Variants in MCOLN2 observed in about 807,000 individuals in gnomAD.
The protein encoded by MCOLN2 is mucolipin TRP cation channel 2, also known as mucolipin-2.
A neutral mutation model predicts 67.5 loss-of-function variants in MCOLN2; 57 were observed. The observed-to-expected ratio is 0.84, with a 90% CI of 0.68 to 1.05. MCOLN2 has a LOEUF of 1.05. Among genes scored for constraint, MCOLN2 ranks in the 50% least tolerant of loss-of-function variants. The pLI is 0.00. For missense variants in MCOLN2, 620 were observed against 678.8 expected, an observed-to-expected ratio of 0.91 and a Z score of 0.96; for synonymous variants, 246 against 233.3, an observed-to-expected ratio of 1.05 and a Z score of -0.50.
At chr1:84,992,967 C>T (rs1650964183) in intron 1 of MCOLN2, among the ~76,000 whole-genome samples, 1 of 152,176 alleles carries the variant, frequency 6.6e-6, no homozygotes, top group African/African-American at 2.4e-5. Flanking sequence ...ATTAACTCTT[C>T]CTGTCACAAA....
intron 11 of MCOLN2, among the ~76,000 whole-genome samples, chr1:84,933,948 A>C (rs1234678617): frequency 6.6e-6 from 1 of 152,170 alleles, no homozygotes; most frequent in Middle Eastern, 3.2e-3. Flanking sequence ...GTTTGGTAAC[A>C]CCCTGCCATT....
intron 1 of MCOLN2, among the ~76,000 whole-genome samples, chr1:84,969,300 G>A (rs1649545027): frequency 6.6e-6 from 1 of 152,232 alleles, no homozygotes; most frequent in African/African-American, 2.4e-5. Flanking sequence ...GCTGGGCACG[G>A]TGGCTCACGC....
chr1:84,926,762 T>C (rs761295363), intron 13 of MCOLN2, 41 bp from the exon 14 acceptor site: 1 of 1,488,176 alleles, frequency 6.7e-7, no homozygotes, highest in South Asian at 1.2e-5. Context: ...AAAGATACAA[T>C]ACTTTAACAT....
intron 1 of MCOLN2, among the ~76,000 whole-genome samples, chr1:84,987,572 G>C (rs1418387723): frequency 3.8e-5 from 3 of 78,318 alleles, no homozygotes; most frequent in African/African-American, 5.0e-5. Flanking sequence ...ATACATAGAT[G>C]TATACATAGA....
intron 2 of MCOLN2, among the ~76,000 whole-genome samples, chr1:84,959,781 T>C (rs937279807): frequency 5.3e-5 from 8 of 152,202 alleles, no homozygotes; most frequent in African/African-American, 1.9e-4. Flanking sequence ...TTTCTTCCTA[T>C]GTAAAATTAG....
Position 84,958,548 on chromosome 1 carries a change from A to ATGCTCTC in MCOLN2, c.385_391dup (p.Ile131ArgfsTer8), listed in dbSNP as rs761386667. On this transcript the variant is annotated frameshift_variant, in exon 3 of 14. Coordinates refer to ENST00000370608, the MANE Select transcript of MCOLN2 (RefSeq NM_153259.4). LOFTEE classifies it high-confidence loss of function. ...ACTTGCCTGATTAATAGCAAAAAAG[A>ATGCTCTC]TGCTCTCATAGGCATCCTCTTGAGT... The ATGCTCTC allele has an allele frequency of 1.2e-6, 2 of 1,602,558 alleles. No homozygotes were observed. The highest frequency in any genetic ancestry group is 1.7e-6 in the Non-Finnish European group (2 of 1,177,736).
intron 1 of MCOLN2, among the ~76,000 whole-genome samples, chr1:84,982,019 C>T (rs1449061751): frequency 6.8e-6 from 1 of 147,392 alleles, no homozygotes; most frequent in Non-Finnish European, 1.5e-5. Flanking sequence ...TAATGTAAGC[C>T]TAAATTAATA....
At chr1:84,940,473 T>G (rs1647699996) in intron 8 of MCOLN2, among the ~76,000 whole-genome samples, 1 of 152,218 alleles carries the variant, frequency 6.6e-6, no homozygotes, top group Non-Finnish European at 1.5e-5. Context: ...TATGCTTCAT[T>G]ATAATCCATT....
At chr1:84,931,095 A>T (rs375166609) in intron 12 of MCOLN2, among the ~76,000 whole-genome samples, 4 of 152,036 alleles carry the variant, frequency 2.6e-5, no homozygotes, top group African/African-American at 9.7e-5. Flanking sequence ...CAGGGCTAAG[A>T]CCAGCAGCCT....
At chr1:84,946,140 CT>C (rs1648091883) in intron 7 of MCOLN2, among the ~76,000 whole-genome samples, 1 of 152,204 alleles carries the variant, frequency 6.6e-6, no homozygotes, top group Non-Finnish European at 1.5e-5. Flanking sequence ...TGTCTGGGCT[CT>C]GAAGGCCCTG....
intron 1 of MCOLN2, among the ~76,000 whole-genome samples, chr1:84,980,090 A>G (rs2102877182): frequency 6.6e-6 from 1 of 152,314 alleles, no homozygotes; most frequent in Non-Finnish European, 1.5e-5. Context: ...CACAAATAAA[A>G]TACCTAGAAA....
At position 84,926,537 on chromosome 1, in the gene MCOLN2, A is replaced by G. The variant is rs554171400; in HGVS notation, c.*148T>C. Reference sequence around the variant, plus strand: ...AAAAAGTAAAGCTGGAACTTCAGTCATGGTCAGCTGGCTAACTGTGAGTCC... The same window carrying G: ...AAAAAGTAAAGCTGGAACTTCAGTCGTGGTCAGCTGGCTAACTGTGAGTCC... On this transcript the variant is annotated 3_prime_UTR_variant, in exon 14 of 14. Coordinates refer to ENST00000370608, the MANE Select transcript of MCOLN2 (RefSeq NM_153259.4). The G allele has an allele frequency of 2.5e-5, 12 of 478,268 alleles. No homozygotes were observed. The South Asian group carries it at 5.5e-4, about 22-fold the overall frequency. 29.6% of individuals were successfully genotyped at this position (478,268 alleles called of 1,614,324 possible).
At chr1:84,944,026 A>G (rs1220454821) in intron 7 of MCOLN2, among the ~76,000 whole-genome samples, 1 of 152,236 alleles carries the variant, frequency 6.6e-6, no homozygotes, top group African/African-American at 2.4e-5. Flanking sequence ...TGAAAATCTT[A>G]TGAAATGCAA....
At chr1:84,987,569 G>GATGTATACATCTATGTATACATCT (rs1426331500) in intron 1 of MCOLN2, among the ~76,000 whole-genome samples, 1 of 76,188 alleles carries the variant, frequency 1.3e-5, no homozygotes, top group Non-Finnish European at 2.4e-5. Flanking sequence ...TGTATACATA[G>GATGTATACATCTATGTATACATCT]ATGTATACAT....
At chr1:84,948,246 T>A (rs1422854511) in intron 6 of MCOLN2, among the ~76,000 whole-genome samples, 1 of 152,232 alleles carries the variant, frequency 6.6e-6, no homozygotes, top group African/African-American at 2.4e-5. Flanking sequence ...ACAACAAGTC[T>A]GGCATCCCTG....
intron 1 of MCOLN2, among the ~76,000 whole-genome samples, chr1:84,970,592 A>C (rs972633607): frequency 3.3e-5 from 5 of 152,040 alleles, no homozygotes; most frequent in African/African-American, 1.2e-4. Flanking sequence ...CTGAGACACG[A>C]GAATAGCTTG....
At chr1:84,987,501 TAGATGTATAC>T (rs1163421140) in intron 1 of MCOLN2, among the ~76,000 whole-genome samples, 14 of 4,362 alleles carry the variant, frequency 3.2e-3, no homozygotes, top group Non-Finnish European at 6.5e-3. Context: ...TATGTATACA[TAGATGTATAC>T]ATATGTATAT....
In MCOLN2 at chr1:84,958,663, A is replaced by G; in HGVS notation, c.277T>C (p.Phe93Leu). The change falls in exon 3 of 14, where the codon TTC becomes CTC. Residue 93 changes from phenylalanine (F) to leucine (L), a missense_variant. Physicochemically the swap from Phe to Leu is conservative, Grantham distance 22 (BLOSUM62 0). Coordinates refer to ENST00000370608, the MANE Select transcript of MCOLN2 (RefSeq NM_153259.4). Reference protein sequence around the residue: ...FGLSNQLVVAFKEDNTVAFKH... With the variant: ...FGLSNQLVVALKEDNTVAFKH... Reference sequence around the variant, plus strand: ...AAAGCAACAGTGTTATCTTCTTTGAAAGCAACCACCAGCTGGTTACTTAAA... The same window carrying G: ...AAAGCAACAGTGTTATCTTCTTTGAGAGCAACCACCAGCTGGTTACTTAAA... The G allele has an allele frequency of 6.3e-7, 1 of 1,595,646 alleles. No individual in the cohort carries two copies. Among genetic ancestry groups the G allele is most frequent in the Non-Finnish European group, 8.5e-7 (1 of 1,174,912 alleles).
rs1312345994 is a variant in MCOLN2, at chr1:84,978,624, C to T, written c.78-12916G>A. 2.0e-5 allele frequency among the ~76,000 whole-genome samples: 3 copies of T among 152,054 alleles called. No individual in the cohort carries two copies. In the South Asian group the frequency reaches 6.2e-4, roughly 32 times the overall value. ...AAAATATAGAAGAAATGGACACACA[C>T]AACCTACCAAGATTGAACCAGGATG... is the stretch of plus-strand genomic sequence containing the variant. On this transcript the variant is annotated intron_variant, in intron 1 of 13. Coordinates refer to ENST00000370608, the MANE Select transcript of MCOLN2 (RefSeq NM_153259.4).
Sources: allele counts gnomAD v4.1 joint callset (sites outside exome capture counted in the v4.1 genomes callset), GRCh38; gene constraint gnomAD v4.1.1; transcripts MANE v1.5; gene names NCBI Gene and HGNC (gene_info 2026-07-23, HGNC 2026-07-21).